RBFOX2: variants seen among roughly 807,000 people sequenced by gnomAD.
The protein encoded by RBFOX2 is RNA binding fox-1 homolog 2.
RBFOX2 carries 10 observed loss-of-function variants against 49.1 expected under a neutral mutation model. The ratio of observed to expected loss-of-function variants is 0.20; its 90% CI spans 0.13 to 0.35. The LOEUF is 0.35. Ranked by LOEUF, RBFOX2 falls within the 10% of genes least tolerant of loss-of-function variation. RBFOX2 has a pLI of 1.00. For missense variants in RBFOX2, 323 were observed against 486.9 expected (o/e 0.66, Z 3.17); for synonymous variants, 183 against 187.4 (o/e 0.98, Z 0.19).
intron 1 of RBFOX2, among the ~76,000 whole-genome samples, chr22:35,954,347 A>G (rs2055308217): frequency 6.6e-6 from 1 of 152,250 alleles, no homozygotes; most frequent in Admixed American, 6.5e-5. Flanking sequence ...ATAAGTACAC[A>G]ACAACTGTCA....
chr22:35,936,112 T>C (rs562543327), intron 1 of RBFOX2, among the ~76,000 whole-genome samples: 102 of 151,798 alleles, frequency 6.7e-4, no homozygotes, highest in Admixed American at 1.1e-3. Context: ...CTCAGGAGGC[T>C]GAGGTGGGAG....
intron 1 of RBFOX2, among the ~76,000 whole-genome samples, chr22:36,018,526 C>T (rs1219858526): frequency 6.6e-6 from 1 of 152,172 alleles, no homozygotes; most frequent in African/African-American, 2.4e-5. Context: ...TTGAAAGTTA[C>T]GCAGAAGTCA....
chr22:35,831,779 T>C (rs1956848501), intron 1 of RBFOX2, among the ~76,000 whole-genome samples: 1 of 152,212 alleles, frequency 6.6e-6, no homozygotes, highest in South Asian at 2.1e-4. Context: ...TGAGGAATCA[T>C]AATTAACATT....
At chr22:35,828,274 C>A (rs1249455879) in intron 1 of RBFOX2, among the ~76,000 whole-genome samples, 2 of 151,710 alleles carry the variant, frequency 1.3e-5, no homozygotes, top group Non-Finnish European at 2.9e-5. Context: ...CAAGGAAGGA[C>A]AGAGATTCCA....
chr22:35,947,452 TA>T (rs951058777), intron 1 of RBFOX2, among the ~76,000 whole-genome samples: 10 of 146,886 alleles, frequency 6.8e-5, no homozygotes, highest in South Asian at 2.2e-4. Flanking sequence ...TCTACTTATG[TA>T]AAAAAAAAAG....
chr22:36,014,531 G>A (rs561597154), intron 1 of RBFOX2, among the ~76,000 whole-genome samples: 178 of 152,164 alleles, frequency 1.2e-3, no homozygotes, highest in African/African-American at 3.8e-3. Flanking sequence ...CTTTAAGCTC[G>A]GGGATACCAA....
At chr22:35,990,079 A>G (rs1451338600) in intron 1 of RBFOX2, among the ~76,000 whole-genome samples, 1 of 152,184 alleles carries the variant, frequency 6.6e-6, no homozygotes, top group Non-Finnish European at 1.5e-5. Flanking sequence ...GCTACTCAGG[A>G]GGCTGAGGCA....
intron 1 of RBFOX2, among the ~76,000 whole-genome samples, chr22:35,967,099 T>C (rs908604230): frequency 6.6e-6 from 1 of 152,190 alleles, no homozygotes; most frequent in Non-Finnish European, 1.5e-5. Flanking sequence ...TAGCTAAGAA[T>C]ACAGGTGTGC....
At chr22:35,874,466 A>G (rs924318259) in intron 1 of RBFOX2, among the ~76,000 whole-genome samples, 1 of 152,204 alleles carries the variant, frequency 6.6e-6, no homozygotes, top group African/African-American at 2.4e-5. Context: ...CATAAAAAAC[A>G]TAAAGGAACA....
At chr22:35,857,711 CAA>C (rs1187331572) in intron 1 of RBFOX2, among the ~76,000 whole-genome samples, 1 of 151,808 alleles carries the variant, frequency 6.6e-6, no homozygotes, top group Admixed American at 6.6e-5. Flanking sequence ...CCATGTACTC[CAA>C]AAAAAGAAAA....
At chr22:35,855,702 C>A (rs537425101) in intron 1 of RBFOX2, among the ~76,000 whole-genome samples, 48 of 152,104 alleles carry the variant, frequency 3.2e-4, no homozygotes, top group Non-Finnish European at 5.3e-4. Flanking sequence ...AGCCAGCATG[C>A]CCAGCCCCAA....
intron 1 of RBFOX2, among the ~76,000 whole-genome samples, chr22:35,885,068 C>CA (rs1432903279): frequency 6.6e-6 from 1 of 151,972 alleles, no homozygotes; most frequent in Non-Finnish European, 1.5e-5. Context: ...GAGCAACATG[C>CA]AAAAATGGTT....
intron 1 of RBFOX2, among the ~76,000 whole-genome samples, chr22:35,889,706 G>A (rs951326114): frequency 6.6e-6 from 1 of 151,976 alleles, no homozygotes; most frequent in East Asian, 1.9e-4. Flanking sequence ...TACCTATCAC[G>A]GCATCTGACC....
intron 1 of RBFOX2, among the ~76,000 whole-genome samples, chr22:36,011,410 T>C (rs1473413526): frequency 1.3e-5 from 2 of 152,210 alleles, no homozygotes; most frequent in African/African-American, 4.8e-5. Context: ...TACTAATCAG[T>C]CATCTTTACA....
At chr22:35,753,920 C>T (rs1935957489) in intron 9 of RBFOX2, among the ~76,000 whole-genome samples, 1 of 151,504 alleles carries the variant, frequency 6.6e-6, no homozygotes, top group Non-Finnish European at 1.5e-5. Flanking sequence ...GTAGCTGAAA[C>T]TACAAGCGTG....
chr22:35,970,090 TGAGA>T (rs1184849769), intron 1 of RBFOX2, among the ~76,000 whole-genome samples: 2 of 152,190 alleles, frequency 1.3e-5, no homozygotes, highest in Non-Finnish European at 2.9e-5. Flanking sequence ...AAAATCACAG[TGAGA>T]AAGATCCTAC....
At chr22:35,924,805 G>C (rs779243943) in intron 1 of RBFOX2, among the ~76,000 whole-genome samples, 1 of 152,186 alleles carries the variant, frequency 6.6e-6, no homozygotes, top group Non-Finnish European at 1.5e-5. Context: ...GAGAACTCTT[G>C]TTCTTACAGA....
At chr22:35,753,301 CTG>C (rs918462645) in intron 9 of RBFOX2, among the ~76,000 whole-genome samples, 4 of 152,128 alleles carry the variant, frequency 2.6e-5, no homozygotes, top group Non-Finnish European at 4.4e-5. Context: ...GTTTTGTTGT[CTG>C]TGTGTTTTTG....
At chr22:35,829,508 T>C (rs1176472250) in intron 1 of RBFOX2, among the ~76,000 whole-genome samples, 2 of 150,460 alleles carry the variant, frequency 1.3e-5, no homozygotes, top group African/African-American at 4.9e-5. Flanking sequence ...AGACTAGATG[T>C]TGCAGGGAAA....
Sources: gnomAD v4.1 joint callset for allele counts (sites outside exome capture counted in the v4.1 genomes callset) on GRCh38, gnomAD v4.1.1 for gene constraint, MANE v1.5 for transcripts, NCBI Gene and HGNC (gene_info 2026-07-23, HGNC 2026-07-21) for gene names.